The following DGKG variants were observed in gnomAD, a reference collection of about 807,000 sequenced individuals.
The protein encoded by DGKG is diacylglycerol kinase gamma, also known as DAG kinase gamma.
A neutral mutation model predicts 105.3 loss-of-function variants in DGKG; 78 were observed. The ratio of observed to expected loss-of-function variants is 0.74; its 90% CI spans 0.62 to 0.89. DGKG has a LOEUF of 0.89. Ranked by LOEUF, DGKG falls within the 40% of genes least tolerant of loss-of-function variation. The probability of loss-of-function intolerance (pLI) is 0.00; values close to 1 mark genes in which losing one functional copy is unlikely to be tolerated. For missense variants in DGKG, 958 were observed against 1,020.1 expected, an observed-to-expected ratio of 0.94 and a Z score of 0.83; for synonymous variants, 346 against 367.1, an observed-to-expected ratio of 0.94 and a Z score of 0.66.
chr3:186,321,906 A>G (rs1197844150), intron 1 of DGKG, among the ~76,000 whole-genome samples: 4 of 151,776 alleles, frequency 2.6e-5, no homozygotes, highest in African/African-American at 7.3e-5. Context: ...GAGAAGTCCA[A>G]CTCTCTCCTT....
chr3:186,215,582 G>A (rs1167211113), intron 20 of DGKG, among the ~76,000 whole-genome samples: 1 of 152,086 alleles, frequency 6.6e-6, no homozygotes, highest in Non-Finnish European at 1.5e-5. Flanking sequence ...TGGAAGTTTG[G>A]AAAATAGATT....
At chr3:186,213,113 T>C (rs530973182) in intron 20 of DGKG, among the ~76,000 whole-genome samples, 343 of 152,332 alleles carry the variant, frequency 2.3e-3, no homozygotes, top group Non-Finnish European at 4.0e-3. Flanking sequence ...ATCTAGTTGG[T>C]TGGGAAATAG....
At chr3:186,168,184 A>G (rs1436887841) in intron 22 of DGKG, among the ~76,000 whole-genome samples, 1 of 152,192 alleles carries the variant, frequency 6.6e-6, no homozygotes, top group African/African-American at 2.4e-5. Context: ...GAAAATATAA[A>G]AAGTATTTTT....
intron 5 of DGKG, among the ~76,000 whole-genome samples, chr3:186,291,731 A>C (rs9811536): frequency 0.1 from 14,932 of 143,148 alleles, 1,618 homozygotes; most frequent in African/African-American, 0.27. Flanking sequence ...TTGTATGGGG[A>C]TGAAGGGTGG....
At chr3:186,355,155 T>TCAC (rs1560170366) in intron 1 of DGKG, among the ~76,000 whole-genome samples, 318 of 32,666 alleles carry the variant, frequency 9.7e-3, no homozygotes, top group African/African-American at 0.03. Context: ...ATTATCATTA[T>TCAC]CACCACCATC....
chr3:186,260,384 T>C (rs186218141), intron 16 of DGKG, 55 bp downstream of exon 16: 9 of 1,296,082 alleles, frequency 6.9e-6, no homozygotes, highest in African/African-American at 4.4e-5. Flanking sequence ...GGCATCTTCA[T>C]TGGAGTTTAA....
At chr3:186,252,665 G>T (rs111283237) in intron 18 of DGKG, among the ~76,000 whole-genome samples, 1 of 152,156 alleles carries the variant, frequency 6.6e-6, no homozygotes, top group Non-Finnish European at 1.5e-5. Context: ...TAGCATTTTG[G>T]TCCTCAGTTT....
At chr3:186,181,362 C>T (rs760205628) in intron 22 of DGKG, among the ~76,000 whole-genome samples, 1 of 152,132 alleles carries the variant, frequency 6.6e-6, no homozygotes, top group Non-Finnish European at 1.5e-5. Context: ...TATCTGTCTC[C>T]CTGTCTTTGT....
intron 23 of DGKG, among the ~76,000 whole-genome samples, chr3:186,162,896 G>C (rs921934494): frequency 6.6e-6 from 1 of 152,110 alleles, no homozygotes; most frequent in Non-Finnish European, 1.5e-5. Flanking sequence ...GGGTTGCATG[G>C]ACTGTGGGCC....
chr3:186,261,695 G>T lies in DGKG; in HGVS notation c.1349+4C>A. On this transcript the variant is annotated splice_donor_region_variant and intron_variant, in intron 15 of 24. Coordinates refer to ENST00000265022, the MANE Select transcript of DGKG (RefSeq NM_001346.3). ...GCTCCACTTTGAAACAGAAGAGAAC[G>T]TACCTTTCTCCTTGTCTCCCTCCAC... 1 of 1,590,070 alleles carries T rather than the reference G, an allele frequency of 6.3e-7. No homozygotes were observed. Among genetic ancestry groups the T allele is most frequent in the Non-Finnish European group, 8.6e-7 (1 of 1,166,366 alleles).
At chr3:186,266,799 T>C (rs1473153500) in intron 13 of DGKG, among the ~76,000 whole-genome samples, 2 of 152,124 alleles carry the variant, frequency 1.3e-5, no homozygotes, top group African/African-American at 4.8e-5. Flanking sequence ...GGTTTCACCA[T>C]GTGGCCAGGC....
At chr3:186,271,923 C>G (rs958736955) in intron 11 of DGKG, among the ~76,000 whole-genome samples, 1 of 152,222 alleles carries the variant, frequency 6.6e-6, no homozygotes, top group Non-Finnish European at 1.5e-5. Flanking sequence ...TCCACTGTAC[C>G]TTCCACACAG....
At chr3:186,248,675 A>G (rs1721062996) in intron 19 of DGKG, among the ~76,000 whole-genome samples, 1 of 152,166 alleles carries the variant, frequency 6.6e-6, no homozygotes, top group Non-Finnish European at 1.5e-5. Context: ...AAATTTTGAG[A>G]TTCCCCTCTT....
chr3:186,166,355 C>T (rs1477089987), intron 22 of DGKG, among the ~76,000 whole-genome samples: 1 of 152,232 alleles, frequency 6.6e-6, no homozygotes, highest in Non-Finnish European at 1.5e-5. Context: ...ACATTCTGCC[C>T]TAGTACTCCT....
intron 1 of DGKG, among the ~76,000 whole-genome samples, chr3:186,324,189 C>T (rs139786073): frequency 1.1e-4 from 16 of 151,258 alleles, no homozygotes; most frequent in African/African-American, 3.4e-4. Flanking sequence ...TCTAAGAGGA[C>T]GCATAGGCAC....
At chr3:186,315,591 A>G (rs1034357356) in intron 2 of DGKG, among the ~76,000 whole-genome samples, 3 of 152,128 alleles carry the variant, frequency 2.0e-5, no homozygotes. Flanking sequence ...CTTACTAGGC[A>G]CTGTGAGTCT....
At chr3:186,356,109 T>C (rs1726945250) in intron 1 of DGKG, among the ~76,000 whole-genome samples, 1 of 152,236 alleles carries the variant, frequency 6.6e-6, no homozygotes. Flanking sequence ...ATGGGCTCAG[T>C]TATAGTACAG....
intron 1 of DGKG, among the ~76,000 whole-genome samples, chr3:186,327,802 A>G (rs1286101951): frequency 6.6e-6 from 1 of 152,208 alleles, no homozygotes; most frequent in East Asian, 1.9e-4. Context: ...GAATCACACC[A>G]TACCTGTTCA....
intron 3 of DGKG, 63 bp downstream of exon 3, chr3:186,306,838 C>CA (rs1724264030): frequency 8.3e-7 from 1 of 1,200,986 alleles, no homozygotes; most frequent in African/African-American, 1.5e-5. Context: ...AAGAGGGAAA[C>CA]AAATTATGGA....
Sources: gnomAD v4.1 joint callset for allele counts (sites outside exome capture counted in the v4.1 genomes callset) on GRCh38, gnomAD v4.1.1 for gene constraint, MANE v1.5 for transcripts, NCBI Gene and HGNC (gene_info 2026-07-23, HGNC 2026-07-21) for gene names.